Variants in DTWD2 observed in about 807,000 individuals in gnomAD.
The protein encoded by DTWD2 is DTW motif tRNA-uridine aminocarboxypropyltransferase 2.
A neutral mutation model predicts 31.8 loss-of-function variants in DTWD2; 39 were observed. The ratio of observed to expected loss-of-function variants is 1.22; its 90% CI spans 0.95 to 1.60. DTWD2 has a LOEUF of 1.60. DTWD2 is among the 40% of genes most tolerant of loss of function. DTWD2 has a pLI of 0.00. For missense variants in DTWD2, 515 were observed against 381.5 expected, an observed-to-expected ratio of 1.35 and a Z score of -2.92; for synonymous variants, 180 against 142.8, an observed-to-expected ratio of 1.26 and a Z score of -1.86.
rs1751559627 is a variant in DTWD2 at position 118,836,239 on chromosome 5, A to C, written c.*4678T>G. On this transcript the variant is annotated 3_prime_UTR_variant, in exon 6 of 6. Transcript: ENST00000510708. ...GTTAGTTCAAGTGAATCTTATTTTT[A>C]TTTATTTATTTATTTATTTGAGACA... Among the ~76,000 whole-genome samples the C allele has an allele frequency of 3.9e-5, 6 of 152,042 alleles. No homozygotes were observed. The South Asian group carries it at 1.2e-3, about 31-fold the overall frequency.
At chr5:118,845,519 G>C (rs775020665) in intron 5 of DTWD2, among the ~76,000 whole-genome samples, 1 of 152,212 alleles carries the variant, frequency 6.6e-6, no homozygotes, top group Non-Finnish European at 1.5e-5. Flanking sequence ...AGCAACTTGA[G>C]ATGTTTTATT....
At chr5:118,885,948 G>C (rs1752854412) in intron 4 of DTWD2, among the ~76,000 whole-genome samples, 1 of 152,062 alleles carries the variant, frequency 6.6e-6, no homozygotes, top group Non-Finnish European at 1.5e-5. Context: ...CTAGGTAACA[G>C]AGTGAGAAAT....
At chr5:118,881,253 C>T (rs138010133) in intron 4 of DTWD2, among the ~76,000 whole-genome samples, 77 of 152,204 alleles carry the variant, frequency 5.1e-4, no homozygotes, top group South Asian at 1.0e-3. Flanking sequence ...GAATTTGATT[C>T]AACTGATACC....
At chr5:118,876,979 C>T (rs965661714) in intron 4 of DTWD2, among the ~76,000 whole-genome samples, 1 of 152,180 alleles carries the variant, frequency 6.6e-6, no homozygotes, top group Non-Finnish European at 1.5e-5. Context: ...AAATGCCTAA[C>T]ACAATACTGG....
intron 4 of DTWD2, among the ~76,000 whole-genome samples, chr5:118,914,108 G>A (rs933569030): frequency 7.2e-5 from 11 of 152,014 alleles, no homozygotes; most frequent in African/African-American, 2.7e-4. Flanking sequence ...TTGTATCCTT[G>A]GTGGTTTCGC....
At chr5:118,985,517 T>TATATATATATATATATATATATAC (rs1554072595) in intron 1 of DTWD2, among the ~76,000 whole-genome samples, 36 of 107,716 alleles carry the variant, frequency 3.3e-4, no homozygotes, top group Non-Finnish European at 6.1e-4. Context: ...TATATATATA[T>TATATATATATATATATATATATAC]ACACACACAT....
chr5:118,930,897 G>A (rs1753908280), intron 3 of DTWD2, among the ~76,000 whole-genome samples: 1 of 152,130 alleles, frequency 6.6e-6, no homozygotes, highest in Non-Finnish European at 1.5e-5. Flanking sequence ...GGATAGGTAG[G>A]TGACAGTTAA....
At chr5:118,885,126 T>A (rs1317363439) in intron 4 of DTWD2, among the ~76,000 whole-genome samples, 3 of 141,508 alleles carry the variant, frequency 2.1e-5, no homozygotes, top group Non-Finnish European at 3.0e-5. Context: ...CTCGGCAACA[T>A]AGGGAGATGA....
chr5:118,869,048 C>CA (rs989503457), intron 4 of DTWD2, among the ~76,000 whole-genome samples: 71 of 148,626 alleles, frequency 4.8e-4, no homozygotes, highest in African/African-American at 1.6e-3. Context: ...AGTTGGAGCA[C>CA]AAAAAAAAGG....
chr5:118,885,581 C>A (rs956236369), intron 4 of DTWD2, among the ~76,000 whole-genome samples: 2 of 150,530 alleles, frequency 1.3e-5, no homozygotes, highest in Non-Finnish European at 2.9e-5. Flanking sequence ...GCCTGGCCAA[C>A]AGGGCGAAAT....
chr5:118,977,468 T>C (rs1216184017), intron 1 of DTWD2, among the ~76,000 whole-genome samples: 2 of 152,190 alleles, frequency 1.3e-5, no homozygotes, highest in Non-Finnish European at 2.9e-5. Context: ...CTCCTTAAGC[T>C]GATCAGCAAC....
chr5:118,965,788 T>C (rs1754832299), intron 1 of DTWD2, among the ~76,000 whole-genome samples: 1 of 152,168 alleles, frequency 6.6e-6, no homozygotes, highest in African/African-American at 2.4e-5. Context: ...TGCCCAGGGA[T>C]ACAAACATTG....
intron 4 of DTWD2, among the ~76,000 whole-genome samples, chr5:118,923,998 C>T (rs1166450481): frequency 6.6e-6 from 1 of 152,186 alleles, no homozygotes; most frequent in Non-Finnish European, 1.5e-5. Context: ...CTGGCTTCTG[C>T]AGCCCAGTGT....
At chr5:118,924,864 T>C (rs1282250443) in intron 4 of DTWD2, among the ~76,000 whole-genome samples, 1 of 152,206 alleles carries the variant, frequency 6.6e-6, no homozygotes, top group Admixed American at 6.5e-5. Flanking sequence ...GTCTCTGTAC[T>C]TTGGTTTCCT....
At chr5:118,905,721 A>AT (rs1425498375) in intron 4 of DTWD2, among the ~76,000 whole-genome samples, 106 of 152,168 alleles carry the variant, frequency 7.0e-4, no homozygotes, top group African/African-American at 2.4e-3. Flanking sequence ...TTGGATAACT[A>AT]TATTTTTTAT....
chr5:118,847,814 A>T (rs984535939), intron 5 of DTWD2, among the ~76,000 whole-genome samples: 1 of 152,120 alleles, frequency 6.6e-6, no homozygotes, highest in Admixed American at 6.6e-5. Context: ...CTAGCCAAAA[A>T]ACTACTTAAT....
At chr5:118,979,829 C>T (rs1173220485) in intron 1 of DTWD2, among the ~76,000 whole-genome samples, 7 of 152,276 alleles carry the variant, frequency 4.6e-5, no homozygotes, top group Non-Finnish European at 1.5e-5. Context: ...TGGGGAATAA[C>T]ACAAATTGGG....
chr5:118,846,264 C>T (rs1298464537), intron 5 of DTWD2, among the ~76,000 whole-genome samples: 3 of 151,886 alleles, frequency 2.0e-5, no homozygotes, highest in African/African-American at 7.3e-5. Context: ...GAAGGGAGCA[C>T]CAGCAGAATT....
chr5:118,973,672 C>T (rs1755050758), intron 1 of DTWD2: 4 of 1,066,248 alleles, frequency 3.8e-6, no homozygotes, highest in South Asian at 1.3e-5. Context: ...CCTCCTTGCT[C>T]GCCGCAGCCG....
Sources: allele counts gnomAD v4.1 joint callset (sites outside exome capture counted in the v4.1 genomes callset), GRCh38; gene constraint gnomAD v4.1.1; transcripts MANE v1.5; gene names NCBI Gene and HGNC (gene_info 2026-07-23, HGNC 2026-07-21).